MATR3: variants seen among roughly 807,000 people sequenced by gnomAD.
MATR3 encodes matrin 3.
A neutral mutation model predicts 85.5 loss-of-function variants in MATR3; 4 were observed. The ratio of observed to expected loss-of-function variants is 0.05; its 90% CI spans 0.02 to 0.11. MATR3 has a LOEUF of 0.11. Ranked by LOEUF, MATR3 falls within the 10% of genes least tolerant of loss-of-function variation. MATR3 has a pLI of 1.00. For missense variants in MATR3, 685 were observed against 1,016.1 expected, an observed-to-expected ratio of 0.67 and a Z score of 4.43; for synonymous variants, 336 against 343.1, an observed-to-expected ratio of 0.98 and a Z score of 0.23.
intron 8 of MATR3, 149 bp from the exon 9 acceptor site, chr5:139,319,185 G>A (rs1040006126): frequency 1.9e-5 from 24 of 1,236,508 alleles, no homozygotes; most frequent in South Asian, 1.0e-4. Flanking sequence ...GAAGGATTAT[G>A]TGAGGCCCAG....
chr5:139,291,938 C>CTTTTTTTT (rs10572568), upstream of MATR3: 1 of 79,796 alleles, frequency 1.3e-5, no homozygotes, highest in Non-Finnish European at 2.4e-5. Flanking sequence ...ATTACATAAC[C>CTTTTTTTT]TTTTTTTTTT....
chr5:139,297,748 C>T (rs1345220661), intron 1 of MATR3, among the ~76,000 whole-genome samples: 1 of 152,106 alleles, frequency 6.6e-6, no homozygotes, highest in Admixed American at 6.5e-5. Flanking sequence ...AAGCTCAAGG[C>T]TCTTTGGAAG....
At chr5:139,319,547 C>T in intron 9 of MATR3, 46 bp downstream of exon 9, 5 of 1,547,208 alleles carry the variant, frequency 3.2e-6, no homozygotes, top group South Asian at 1.1e-5. Flanking sequence ...TATTAAAATC[C>T]TTAAGATTTT....
rs750781872 is a variant in MATR3 at position 139,317,151 on chromosome 5, A to G, written c.1182+46A>G. The G allele has an allele frequency of 7.0e-6, 11 of 1,577,792 alleles. No homozygotes were observed. In the Admixed American group the frequency reaches 1.7e-4, roughly 24 times the overall value. Reference sequence around the variant, plus strand: ...TTTTACTGTATTTATGATTTTTGGGAATATGATTTGACCTAAATCCTTACT... The same window carrying G: ...TTTTACTGTATTTATGATTTTTGGGGATATGATTTGACCTAAATCCTTACT... On this transcript the variant is annotated intron_variant, in intron 6 of 14. Transcript: ENST00000394805.
At chr5:139,316,905 C>T (rs1022304170) in intron 5 of MATR3, 148 bp from the exon 6 acceptor site, 5 of 703,512 alleles carry the variant, frequency 7.1e-6, no homozygotes, top group South Asian at 1.6e-5. Flanking sequence ...AAATATTACA[C>T]AGAAAAAACA....
chr5:139,298,684 A>G (rs1475354012), intron 1 of MATR3, among the ~76,000 whole-genome samples: 2 of 152,212 alleles, frequency 1.3e-5, no homozygotes, highest in Non-Finnish European at 2.9e-5. Flanking sequence ...ATTTTTAGAT[A>G]CGTGACTGAA....
intron 7 of MATR3, 71 bp from the exon 8 acceptor site, chr5:139,318,837 A>G (rs1755392874): frequency 1.4e-6 from 2 of 1,476,248 alleles, no homozygotes; most frequent in Admixed American, 1.7e-5. Flanking sequence ...TTTTTAGGAA[A>G]AAAAATCTTT....
At chr5:139,297,316 A>G (rs1251821729) in intron 1 of MATR3, among the ~76,000 whole-genome samples, 1 of 152,234 alleles carries the variant, frequency 6.6e-6, no homozygotes, top group Non-Finnish European at 1.5e-5. Context: ...CTAAGGCACA[A>G]CGCTGTCCAA....
chr5:139,288,930 C>T (rs945817591), upstream of MATR3, among the ~76,000 whole-genome samples: 24 of 152,136 alleles, frequency 1.6e-4, no homozygotes, highest in African/African-American at 2.9e-4. Flanking sequence ...TGAGCCACCA[C>T]GCCCGGCCAC....
At chr5:139,303,480 C>G (rs1204372941) in intron 1 of MATR3, among the ~76,000 whole-genome samples, 1 of 152,232 alleles carries the variant, frequency 6.6e-6, no homozygotes, top group African/African-American at 2.4e-5. Context: ...GTAGATACCT[C>G]TTAGCATTTT....
chr5:139,296,754 A>C (rs1350769221), intron 1 of MATR3, among the ~76,000 whole-genome samples: 1 of 152,236 alleles, frequency 6.6e-6, no homozygotes, highest in East Asian at 1.9e-4. Context: ...TACAATATGA[A>C]TTGCAGCCAA....
At position 139,317,055 on chromosome 5, in the gene MATR3, G is replaced by A. The variant is rs201075828; in HGVS notation, c.1132G>A (p.Ala378Thr). 410 of 1,613,910 alleles carry A rather than the reference G, an allele frequency of 2.5e-4. No individual in the cohort carries two copies. Among genetic ancestry groups the A allele is most frequent in the Non-Finnish European group, 3.3e-4 (389 of 1,179,926 alleles). The change falls in exon 6 of 15, where the codon GCT (alanine) becomes ACT (threonine). Residue 378 changes from alanine (A) to threonine (T), a missense_variant and splice_region_variant. Physicochemically the swap from Ala to Thr is moderately conservative, Grantham distance 58 (BLOSUM62 0). Around this residue, in one of 9 missense-constraint regions of MATR3, gnomAD observed 223 missense variants for 334.4 expected, o/e 0.67. Coordinates refer to ENST00000394805, the MANE Select transcript of MATR3 (RefSeq NM_018834.6). ...GAAAACTTTCTCTTCCCATAAAGGT[G>A]CTGGAAATGGAAACCTGCAAGGACC... ...PAVGPRGNLG[A>T]GNGNLQGPRH...
rs368791590 is a variant in MATR3, at chr5:139,314,592, A to G, written c.913-83A>G. On this transcript the variant is annotated intron_variant, in intron 2 of 14. Coordinates refer to ENST00000394805, the MANE Select transcript of MATR3 (RefSeq NM_018834.6). Reference sequence around the variant, plus strand: ...GTACAGCCTATGATACTGCATAGACATTAATATCCTAGAGTTTGAATGGTT... The same window carrying G: ...GTACAGCCTATGATACTGCATAGACGTTAATATCCTAGAGTTTGAATGGTT... The G allele has an allele frequency of 1.9e-5, 21 of 1,084,330 alleles. No individual in the cohort carries two copies. In the East Asian group the frequency reaches 3.4e-4, roughly 18 times the overall value. 67.2% of individuals were successfully genotyped at this position (1,084,330 alleles called of 1,614,324 possible).
intron 3 of MATR3, chr5:139,279,786 G>A (rs532291289): frequency 1.3e-5 from 2 of 152,454 alleles, no homozygotes; most frequent in South Asian, 2.1e-4. Flanking sequence ...ACAGGCATGA[G>A]CCACCGCGCC....
intron 1 of MATR3, among the ~76,000 whole-genome samples, chr5:139,303,961 T>G (rs1203849442): frequency 6.6e-6 from 1 of 152,162 alleles, no homozygotes; most frequent in Non-Finnish European, 1.5e-5. Context: ...TTCAGAAATA[T>G]TTTAGTACTC....
At chr5:139,306,771 A>G (rs1156662705) in intron 1 of MATR3, among the ~76,000 whole-genome samples, 2 of 152,040 alleles carry the variant, frequency 1.3e-5, no homozygotes, top group Non-Finnish European at 2.9e-5. Context: ...TTTACTTGTG[A>G]TTTTACTTGG....
intron 1 of MATR3, among the ~76,000 whole-genome samples, chr5:139,302,540 TGAA>T (rs1477874761): frequency 2.0e-5 from 3 of 152,328 alleles, no homozygotes; most frequent in East Asian, 1.9e-4. Flanking sequence ...ATTTAATAAA[TGAA>T]GAAAAATTTA....
chr5:139,276,450 A>T (rs1000565161), intron 2 of MATR3: 4 of 334,134 alleles, frequency 1.2e-5, no homozygotes, highest in African/African-American at 6.5e-5. Context: ...TTAAAAAAAA[A>T]TTGCCAAAAA....
intron 5 of MATR3, among the ~76,000 whole-genome samples, chr5:139,316,517 T>C (rs1486304705): frequency 2.0e-5 from 3 of 152,202 alleles, no homozygotes; most frequent in Non-Finnish European, 4.4e-5. Flanking sequence ...AGTGCTAGGA[T>C]TGCAGGTGCG....
Sources: gnomAD v4.1 joint callset for allele counts (sites outside exome capture counted in the v4.1 genomes callset) on GRCh38, gnomAD v4.1.1 for gene constraint, gnomAD v4.1.1 regional missense constraint, MANE v1.5 for transcripts, NCBI Gene and HGNC (gene_info 2026-07-23, HGNC 2026-07-21) for gene names.